SCHIP1: variants seen among roughly 807,000 people sequenced by gnomAD.
SCHIP1 encodes the protein schwannomin-interacting protein 1.
SCHIP1 carries 8 observed loss-of-function variants against 29.7 expected under a neutral mutation model. The observed-to-expected ratio is 0.27, with a 90% CI of 0.16 to 0.49. SCHIP1 has a LOEUF of 0.49. SCHIP1 is among the 20% of genes least tolerant of loss of function. The pLI, the probability that SCHIP1 is intolerant of heterozygous loss-of-function variation, is 0.99. For synonymous variants in SCHIP1, 76 were observed against 94.9 expected (o/e 0.80, Z 1.16); for missense variants, 193 against 294.6 (o/e 0.66, Z 2.52).
the SCHIP1 span, among the ~76,000 whole-genome samples, chr3:159,586,575 C>A: frequency 6.6e-6 from 1 of 152,270 alleles, no homozygotes; most frequent in Non-Finnish European, 1.5e-5. Flanking sequence ...TAGCATCTTA[C>A]AAATGGATGG....
chr3:159,491,691 C>G, the SCHIP1 span, among the ~76,000 whole-genome samples: 1 of 152,216 alleles, frequency 6.6e-6, no homozygotes, highest in South Asian at 2.1e-4. Context: ...AGGGCACAGA[C>G]AAAAGACAGC....
At chr3:159,712,840 GAA>G in the SCHIP1 span, among the ~76,000 whole-genome samples, 35 of 151,000 alleles carry the variant, frequency 2.3e-4, no homozygotes, top group Admixed American at 4.6e-4. Context: ...AAGAAAGAAA[GAA>G]AGAAAGAGAG....
chr3:159,765,398 G>A, the SCHIP1 span: 1 of 442,218 alleles, frequency 2.3e-6, no homozygotes, highest in Non-Finnish European at 3.9e-6. Flanking sequence ...TAGTGGAACC[G>A]GCGACTCATT....
the SCHIP1 span, among the ~76,000 whole-genome samples, chr3:159,588,433 G>T: frequency 6.6e-6 from 1 of 152,134 alleles, no homozygotes; most frequent in African/African-American, 2.4e-5. Context: ...CACTCTGATG[G>T]TAGTTTCTTT....
chr3:159,625,757 C>T, the SCHIP1 span, among the ~76,000 whole-genome samples: 1 of 152,016 alleles, frequency 6.6e-6, no homozygotes, highest in African/African-American at 2.4e-5. Context: ...CCAACTTATC[C>T]CCACCCACCT....
the SCHIP1 span, among the ~76,000 whole-genome samples, chr3:159,811,168 G>A: frequency 6.6e-6 from 1 of 152,164 alleles, no homozygotes; most frequent in Non-Finnish European, 1.5e-5. Context: ...TAACTTACAA[G>A]TGATTTTTAT....
the SCHIP1 span, among the ~76,000 whole-genome samples, chr3:159,585,953 A>G: frequency 6.6e-6 from 1 of 152,078 alleles, no homozygotes; most frequent in Non-Finnish European, 1.5e-5. Flanking sequence ...GCATAATATT[A>G]TTGGATGGAT....
chr3:159,750,290 T>TATATAC, the SCHIP1 span, among the ~76,000 whole-genome samples: 1 of 128,798 alleles, frequency 7.8e-6, no homozygotes, highest in African/African-American at 3.0e-5. Flanking sequence ...TATATATATA[T>TATATAC]ATATATACAC....
chr3:159,674,362 G>A, the SCHIP1 span, among the ~76,000 whole-genome samples: 1 of 152,118 alleles, frequency 6.6e-6, no homozygotes, highest in Non-Finnish European at 1.5e-5. Flanking sequence ...GAGAGGACTG[G>A]CCCAGTTACA....
At chr3:159,824,839 T>G in the SCHIP1 span, among the ~76,000 whole-genome samples, 1 of 152,362 alleles carries the variant, frequency 6.6e-6, no homozygotes, top group East Asian at 1.9e-4. Context: ...TGGTTTTAAC[T>G]GTCATTTGTA....
At chr3:159,274,855 A>G in the SCHIP1 span, 2 of 586,628 alleles carry the variant, frequency 3.4e-6, no homozygotes, top group Non-Finnish European at 4.3e-6. Flanking sequence ...ATATTTTTAT[A>G]TAATTGTATT....
At chr3:159,529,302 C>T in the SCHIP1 span, among the ~76,000 whole-genome samples, 1 of 152,074 alleles carries the variant, frequency 6.6e-6, no homozygotes, top group Non-Finnish European at 1.5e-5. Context: ...AAATTTTGAA[C>T]AAATATTGAA....
At chr3:159,397,225 A>AT in the SCHIP1 span, among the ~76,000 whole-genome samples, 4 of 151,176 alleles carry the variant, frequency 2.6e-5, no homozygotes, top group African/African-American at 7.3e-5. Context: ...CATTCTTCTA[A>AT]TTTTTTTTCA....
At chr3:159,332,769 G>C in the SCHIP1 span, among the ~76,000 whole-genome samples, 9 of 152,194 alleles carry the variant, frequency 5.9e-5, no homozygotes, top group African/African-American at 1.9e-4. Flanking sequence ...GAGGGCCTTG[G>C]GGGTGGGCAG....
the SCHIP1 span, among the ~76,000 whole-genome samples, chr3:159,424,845 G>A: frequency 9.7e-3 from 1,482 of 152,188 alleles, 21 homozygotes; most frequent in African/African-American, 0.034. Context: ...CGGATCTCTC[G>A]GCAGAAACTC....
the SCHIP1 span, among the ~76,000 whole-genome samples, chr3:159,388,582 G>A: frequency 1.3e-5 from 2 of 151,980 alleles, no homozygotes; most frequent in Non-Finnish European, 2.9e-5. Flanking sequence ...AAAATTCTGT[G>A]GGAAGATAAA....
rs1716836314 is a variant in SCHIP1, at chr3:159,885,116, A to G, written c.150-1091A>G. On this transcript the variant is annotated intron_variant, in intron 2 of 6. Transcript: ENST00000445224. ...GTGATCTGATCAATTTCTACAAAGC[A>G]TTCCTACCATTGGAATTGAAAAGTC... Among the ~76,000 whole-genome samples the G allele has an allele frequency of 1.3e-5, 2 of 152,230 alleles. 1 individual carries two copies. The highest frequency in any genetic ancestry group is 4.1e-4 in the South Asian group (2 of 4,826).
chr3:159,679,059 C>T, the SCHIP1 span, among the ~76,000 whole-genome samples: 3 of 152,246 alleles, frequency 2.0e-5, no homozygotes, highest in South Asian at 4.2e-4. Flanking sequence ...CCAAAGGATT[C>T]GATTGATGAA....
intron 1 of SCHIP1, among the ~76,000 whole-genome samples, chr3:159,865,794 A>G (rs1213326261): frequency 6.6e-6 from 1 of 152,256 alleles, no homozygotes; most frequent in Non-Finnish European, 1.5e-5. Context: ...GGGAAAGGGC[A>G]CATTTGGGAT....
Sources: gnomAD v4.1 joint callset for allele counts (sites outside exome capture counted in the v4.1 genomes callset) on GRCh38, gnomAD v4.1.1 for gene constraint, MANE v1.5 for transcripts, NCBI Gene and HGNC (gene_info 2026-07-23, HGNC 2026-07-21) for gene names.